The following KCNG3 variants were observed in gnomAD, a reference collection of about 807,000 sequenced individuals.
KCNG3 encodes the protein potassium voltage-gated channel modifier subfamily G member 3.
KCNG3 carries 15 observed loss-of-function variants against 29.0 expected under a neutral mutation model. That is an observed-to-expected ratio of 0.52 (90% CI 0.35 to 0.80). The LOEUF is 0.80. Among genes scored for constraint, KCNG3 ranks in the 30% least tolerant of loss-of-function variants. The pLI, the probability that KCNG3 is intolerant of heterozygous loss-of-function variation, is 0.01. For missense variants in KCNG3, 512 were observed against 605.7 expected, an observed-to-expected ratio of 0.85 and a Z score of 1.62; for synonymous variants, 322 against 248.9, an observed-to-expected ratio of 1.29 and a Z score of -2.76.
chr2:42,476,982 G>C (rs186687747), intron 1 of KCNG3, among the ~76,000 whole-genome samples: 2,432 of 146,004 alleles, frequency 0.017, 64 homozygotes, highest in African/African-American at 0.058. Flanking sequence ...TCCGGAGATC[G>C]AGACCATCCT....
chr2:42,464,231 T>C (rs766313358), intron 1 of KCNG3, among the ~76,000 whole-genome samples: 2 of 152,192 alleles, frequency 1.3e-5, no homozygotes, highest in African/African-American at 2.4e-5. Flanking sequence ...CAATGATACT[T>C]CTACGCACAC....
At chr2:42,483,441 C>A (rs1407328220) in intron 1 of KCNG3, among the ~76,000 whole-genome samples, 1 of 152,176 alleles carries the variant, frequency 6.6e-6, no homozygotes, top group African/African-American at 2.4e-5. Context: ...CCACTGTTTG[C>A]ACTTTTGAAA....
chr2:42,443,888 T>C lies in KCNG3; in HGVS notation c.*46A>G. On this transcript the variant is annotated 3_prime_UTR_variant, in exon 2 of 2. Coordinates refer to ENST00000306078, the MANE Select transcript of KCNG3 (RefSeq NM_133329.6). The stretch of plus-strand genomic sequence containing the variant: ...AGAAACACATAAATATGAAGCAGCA[T>C]CAAAGTCTTTCTATGAAGTGTATGC... 1 of 1,526,684 alleles carries C rather than the reference T, an allele frequency of 6.6e-7. No homozygotes were observed. The highest frequency in any genetic ancestry group is 8.9e-7 in the Non-Finnish European group (1 of 1,126,494). 94.6% of individuals were successfully genotyped at this position (1,526,684 alleles called of 1,614,324 possible).
chr2:42,448,821 A>G (rs1672669936), intron 1 of KCNG3, among the ~76,000 whole-genome samples: 1 of 152,112 alleles, frequency 6.6e-6, no homozygotes, highest in South Asian at 2.1e-4. Flanking sequence ...TACTAAAAAT[A>G]CAAGAAATTA....
Position 42,493,543 on chromosome 2 carries a change from C to T in KCNG3, c.-42G>A. 1 of 1,327,450 alleles carries T rather than the reference C, an allele frequency of 7.5e-7. No homozygotes were observed. The highest frequency in any genetic ancestry group is 9.6e-7 in the Non-Finnish European group (1 of 1,045,944). 82.2% of individuals were successfully genotyped at this position (1,327,450 alleles called of 1,614,324 possible). A position where few individuals can be genotyped will look rare whatever the true frequency, so the allele number is the denominator to read the frequency against. On this transcript the variant is annotated 5_prime_UTR_variant, in exon 1 of 2. Transcript: ENST00000306078. ...GACTTTCGGCCCGAGGGCCCCGCTG[C>T]AGCCCCCCACCCCAAGCCGCCACGC...
chr2:42,431,870 A>G, the KCNG3 span, among the ~76,000 whole-genome samples: 3 of 151,974 alleles, frequency 2.0e-5, no homozygotes, highest in African/African-American at 7.2e-5. Flanking sequence ...AAACCCCATC[A>G]CTAATAAAAA....
At chr2:42,491,180 G>A (rs1233358273) in intron 1 of KCNG3, among the ~76,000 whole-genome samples, 1 of 151,748 alleles carries the variant, frequency 6.6e-6, no homozygotes, top group Non-Finnish European at 1.5e-5. Context: ...TTCCATCTCT[G>A]TCTTCCCTTT....
intron 1 of KCNG3, among the ~76,000 whole-genome samples, chr2:42,465,888 C>T (rs372170103): frequency 8.5e-5 from 13 of 152,114 alleles, no homozygotes; most frequent in African/African-American, 3.1e-4. Flanking sequence ...TCAACTCTGT[C>T]ATCAGAGAAA....
downstream of KCNG3, among the ~76,000 whole-genome samples, chr2:42,437,589 G>A (rs911654669): frequency 6.6e-6 from 1 of 151,870 alleles, no homozygotes; most frequent in African/African-American, 2.4e-5. Context: ...GCGTGGATAT[G>A]GTTTAATTTT....
At chr2:42,424,165 C>T in the KCNG3 span, among the ~76,000 whole-genome samples, 1 of 152,286 alleles carries the variant, frequency 6.6e-6, no homozygotes, top group East Asian at 1.9e-4. Flanking sequence ...AAGGACCACC[C>T]ACACACCAAA....
chr2:42,410,422 C>A, the KCNG3 span, among the ~76,000 whole-genome samples: 2 of 152,126 alleles, frequency 1.3e-5, no homozygotes, highest in Admixed American at 1.3e-4. Context: ...TAATCCCATC[C>A]ACTGTTTTCC....
the KCNG3 span, among the ~76,000 whole-genome samples, chr2:42,424,235 T>C: frequency 2.6e-5 from 4 of 152,236 alleles, no homozygotes; most frequent in Non-Finnish European, 4.4e-5. Flanking sequence ...AAACTCATTT[T>C]TGTCCAAACA....
chr2:42,467,599 T>C (rs1346633702), intron 1 of KCNG3, among the ~76,000 whole-genome samples: 3 of 147,998 alleles, frequency 2.0e-5, no homozygotes, highest in Non-Finnish European at 3.0e-5. Context: ...ACCCAGGAGG[T>C]GGAGGTTGCA....
chr2:42,453,689 C>T (rs1672816470), intron 1 of KCNG3, among the ~76,000 whole-genome samples: 2 of 152,166 alleles, frequency 1.3e-5, no homozygotes, highest in South Asian at 4.2e-4. Flanking sequence ...CTTTCCTTTG[C>T]TGTGCAGAAG....
chr2:42,427,534 A>G, the KCNG3 span, among the ~76,000 whole-genome samples: 3 of 151,954 alleles, frequency 2.0e-5, no homozygotes, highest in African/African-American at 7.3e-5. Flanking sequence ...TGAGCCCAGG[A>G]GGTTGAGGCT....
chr2:42,430,172 G>T, the KCNG3 span, among the ~76,000 whole-genome samples: 1 of 151,882 alleles, frequency 6.6e-6, no homozygotes, highest in African/African-American at 2.4e-5. Flanking sequence ...TTCAAGACCA[G>T]CCTGGGCAAC....
At chr2:42,422,671 G>A in the KCNG3 span, among the ~76,000 whole-genome samples, 4 of 152,132 alleles carry the variant, frequency 2.6e-5, no homozygotes, top group African/African-American at 4.8e-5. Flanking sequence ...TAATGGCTAT[G>A]AGGACTCCAT....
At chr2:42,415,852 T>C in the KCNG3 span, among the ~76,000 whole-genome samples, 1 of 152,166 alleles carries the variant, frequency 6.6e-6, no homozygotes, top group African/African-American at 2.4e-5. Context: ...AAGGCAAATA[T>C]TGCATGATCT....
intron 1 of KCNG3, among the ~76,000 whole-genome samples, chr2:42,445,591 A>G (rs2088281): frequency 0.86 from 130,950 of 152,274 alleles, 56,321 homozygotes; most frequent in Middle Eastern, 0.95. Context: ...AATACTTTGT[A>G]TTCCATCATC....
Sources: gnomAD v4.1 joint callset for allele counts (sites outside exome capture counted in the v4.1 genomes callset) on GRCh38, gnomAD v4.1.1 for gene constraint, MANE v1.5 for transcripts, NCBI Gene and HGNC (gene_info 2026-07-23, HGNC 2026-07-21) for gene names.